HNF4G: variants seen among roughly 807,000 people sequenced by gnomAD.
HNF4G encodes the protein hepatocyte nuclear factor 4 gamma, also known as hepatocyte nuclear factor 4-gamma.
In HNF4G, 21 loss-of-function variants were observed where a neutral mutation model predicts 50.9. That is an observed-to-expected ratio of 0.41 (90% CI 0.29 to 0.59). The LOEUF is 0.59. Ranked by LOEUF, HNF4G falls within the 20% of genes least tolerant of loss-of-function variation. The pLI is 0.26. For synonymous variants in HNF4G, 198 were observed against 185.6 expected (o/e 1.07, Z -0.54); for missense variants, 527 against 559.4 (o/e 0.94, Z 0.58).
Position 75,553,261 on chromosome 8 carries a change from C to A in HNF4G, c.645+64C>A. ...TCTTGAACTTTGCTAAGTTTATGTT[C>A]TTTCCATATTATTTGTAATGCATAT... On this transcript the variant is annotated intron_variant, in intron 5 of 9. Transcript: ENST00000396423. 4 of 1,346,500 alleles carry A rather than the reference C, an allele frequency of 3.0e-6. No homozygotes were observed. In the East Asian group the frequency reaches 7.0e-5, roughly 24 times the overall value. The allele number at this position is 1,346,500 out of a possible 1,614,324, so 83.4% of individuals were successfully genotyped here. A position where few individuals can be genotyped will look rare whatever the true frequency, so the allele number is the denominator to read the frequency against.
At chr8:75,539,454 A>G (rs1163707473), upstream of HNF4G, among the ~76,000 whole-genome samples, 1 of 152,220 alleles carries the variant, frequency 6.6e-6, no homozygotes, top group African/African-American at 2.4e-5. Flanking sequence ...ATTTAAGAAA[A>G]CTTGAAATTG....
upstream of HNF4G, chr8:75,407,781 C>A (rs1810395875): frequency 6.5e-6 from 1 of 152,712 alleles, no homozygotes; most frequent in African/African-American, 2.4e-5. Flanking sequence ...CTTAAGCTTC[C>A]TCTCCCAAGT....
intron 1 of HNF4G, among the ~76,000 whole-genome samples, chr8:75,432,688 G>A (rs192506687): frequency 1.4e-4 from 21 of 152,248 alleles, no homozygotes; most frequent in South Asian, 4.2e-4. Flanking sequence ...ATGCCACCCA[G>A]CGATCCTTGT....
intron 2 of HNF4G, among the ~76,000 whole-genome samples, chr8:75,499,558 G>A (rs1322019401): frequency 6.9e-6 from 1 of 145,934 alleles, no homozygotes; most frequent in Non-Finnish European, 1.5e-5. Flanking sequence ...AAATTCAAGA[G>A]ACCTAAAATA....
At chr8:75,504,268 CACACACA>C (rs1252628750) in intron 2 of HNF4G, among the ~76,000 whole-genome samples, 1 of 82,250 alleles carries the variant, frequency 1.2e-5, no homozygotes, top group East Asian at 3.3e-4. Context: ...CACACACACA[CACACACA>C]CCAAAAACAA....
chr8:75,562,810 T>C (rs951455297), intron 9 of HNF4G, among the ~76,000 whole-genome samples: 4 of 152,178 alleles, frequency 2.6e-5, no homozygotes, highest in African/African-American at 9.6e-5. Flanking sequence ...AATTTATATT[T>C]TATGCAAAGC....
intron 1 of HNF4G, among the ~76,000 whole-genome samples, chr8:75,442,015 A>G (rs1811298476): frequency 6.6e-6 from 1 of 152,242 alleles, no homozygotes; most frequent in African/African-American, 2.4e-5. Flanking sequence ...ACATAGATGA[A>G]TCTTATAAAC....
rs143564938 is a variant in HNF4G, at chr8:75,427,860, C to T, written c.-144+19698C>T. Among the ~76,000 whole-genome samples, 982 of 151,362 alleles carry T rather than the reference C, an allele frequency of 6.5e-3. 11 individuals are homozygous for T. Among genetic ancestry groups the T allele is most frequent in the Non-Finnish European group, 7.0e-3 (475 of 67,840 alleles). On this transcript the variant is annotated intron_variant, in intron 1 of 10. Coordinates refer to the HNF4G transcript ENST00000354370. ...TAATATTTTATTAATGCAAGTGAAC[C>T]CTGAAGGTTTGTGTAGCATTATTTA...
In HNF4G at chr8:75,474,862, T is replaced by G. The variant is rs1471205786; in HGVS notation, c.-143-15227T>G. 2.6e-5 allele frequency among the ~76,000 whole-genome samples: 4 copies of G among 151,796 alleles called. No individual in the cohort carries two copies. The East Asian group carries it at 7.7e-4, about 29-fold the overall frequency. On this transcript the variant is annotated intron_variant, in intron 1 of 10. Coordinates refer to the HNF4G transcript ENST00000354370. ...ACAGGTGCCTGCCACCACGCCCAAC[T>G]AATTTTTGTATTTTTAGTAGATACG...
chr8:75,462,745 C>T (rs542514868), intron 1 of HNF4G, among the ~76,000 whole-genome samples: 1 of 152,220 alleles, frequency 6.6e-6, no homozygotes, highest in South Asian at 2.1e-4. Flanking sequence ...AAAATTCTGG[C>T]TTCATCATTT....
chr8:75,495,064 G>T (rs1812733065), intron 2 of HNF4G, among the ~76,000 whole-genome samples: 1 of 152,092 alleles, frequency 6.6e-6, no homozygotes. Flanking sequence ...AGATGAATAT[G>T]ATAGGAGAGA....
intron 2 of HNF4G, among the ~76,000 whole-genome samples, chr8:75,522,083 T>A (rs1373506155): frequency 6.6e-6 from 1 of 152,242 alleles, no homozygotes; most frequent in Non-Finnish European, 1.5e-5. Flanking sequence ...ACTTTGTTAT[T>A]AGAATTAGCT....
At chr8:75,533,168 G>A (rs1806374074) in intron 2 of HNF4G, among the ~76,000 whole-genome samples, 1 of 152,002 alleles carries the variant, frequency 6.6e-6, no homozygotes, top group Non-Finnish European at 1.5e-5. Context: ...CTTTCAGTAA[G>A]TATTTGTGGA....
At chr8:75,465,510 G>C (rs1238387233) in intron 1 of HNF4G, among the ~76,000 whole-genome samples, 3 of 151,976 alleles carry the variant, frequency 2.0e-5, no homozygotes, top group Non-Finnish European at 2.9e-5. Context: ...CAAATAAATA[G>C]AACCAATTAT....
chr8:75,409,480 CT>C (rs5892492), intron 1 of HNF4G, among the ~76,000 whole-genome samples: 25,481 of 66,878 alleles, frequency 0.38, 2,764 homozygotes, highest in Middle Eastern at 0.44. Context: ...GTGCCTTGTT[CT>C]TTTTTTTTTT....
chr8:75,414,709 G>A (rs1039234265), intron 1 of HNF4G, among the ~76,000 whole-genome samples: 2 of 152,180 alleles, frequency 1.3e-5, no homozygotes, highest in Non-Finnish European at 2.9e-5. Context: ...TTATTTGGTT[G>A]CATGTATCAA....
intron 1 of HNF4G, among the ~76,000 whole-genome samples, chr8:75,413,495 C>T (rs1585819908): frequency 1.3e-5 from 2 of 151,922 alleles, no homozygotes; most frequent in African/African-American, 2.4e-5. Context: ...TGAAACTGAC[C>T]TACATTTTTA....
intron 1 of HNF4G, among the ~76,000 whole-genome samples, chr8:75,456,258 G>A (rs913739701): frequency 2.0e-5 from 3 of 152,024 alleles, no homozygotes; most frequent in Non-Finnish European, 4.4e-5. Context: ...AAACAGAAAA[G>A]AAGAGAATGA....
intron 2 of HNF4G, among the ~76,000 whole-genome samples, chr8:75,528,857 G>T (rs1034860087): frequency 2.6e-5 from 4 of 152,078 alleles, no homozygotes; most frequent in Non-Finnish European, 4.4e-5. Flanking sequence ...GGGTAATTCT[G>T]AATAAAAGAG....
Sources: allele counts gnomAD v4.1 joint callset (sites outside exome capture counted in the v4.1 genomes callset), GRCh38; gene constraint gnomAD v4.1.1; transcripts MANE v1.5; gene names NCBI Gene and HGNC (gene_info 2026-07-23, HGNC 2026-07-21).